The following PIK3R2 variants were observed in gnomAD, a reference collection of about 807,000 sequenced individuals.
PIK3R2 encodes phosphatidylinositol 3-kinase regulatory subunit beta.
In PIK3R2, 40 loss-of-function variants were observed where a neutral mutation model predicts 78.5. The observed-to-expected ratio is 0.51, with a 90% CI of 0.40 to 0.66. PIK3R2 has a LOEUF of 0.66. Ranked by LOEUF, PIK3R2 falls within the 30% of genes least tolerant of loss-of-function variation. The pLI, the probability that PIK3R2 is intolerant of heterozygous loss-of-function variation, is 0.00. For missense variants in PIK3R2, 880 were observed against 1,026.6 expected, an observed-to-expected ratio of 0.86 and a Z score of 1.95; for synonymous variants, 473 against 457.7, an observed-to-expected ratio of 1.03 and a Z score of -0.43.
intron 2 of PIK3R2, among the ~76,000 whole-genome samples, chr19:18,160,191 C>T (rs981506101): frequency 2.0e-5 from 3 of 152,216 alleles, no homozygotes; most frequent in African/African-American, 7.2e-5. Context: ...TTGGACATAT[C>T]TTTTTGGGGA....
rs768329567 is a variant in PIK3R2 at position 18,160,542 on chromosome 19, G to A, written c.394G>A (p.Val132Met). 1 of 1,613,708 alleles carries A rather than the reference G, an allele frequency of 6.2e-7. No individual in the cohort carries two copies. Among genetic ancestry groups the A allele is most frequent in the Non-Finnish European group, 8.5e-7 (1 of 1,179,708 alleles). The change falls in exon 3 of 16, where the codon GTG (valine) becomes ATG (methionine). Residue 132 changes from valine to methionine, a missense_variant. Physicochemically the swap from Val to Met is conservative, Grantham distance 21 (BLOSUM62 1). Around this residue, in one of 3 missense-constraint regions of PIK3R2, gnomAD observed 456 missense variants for 486.6 expected, o/e 0.94. Transcript: ENST00000222254. ...GGCTCCCCCTCTTCTGGTGAAGCTT[G>A]TGGAGGCCATTGAAAGGACAGGTAA... The part of the protein sequence containing the change: ...DVAPPLLVKL[V>M]EAIERTGLDS...
Position 18,168,871 on chromosome 19 carries a change from C to CG in PIK3R2, c.1958dup (p.Cys654LeufsTer157). 6.2e-7 allele frequency: 1 copy of CG among 1,613,206 alleles called. No individual in the cohort carries two copies. Among genetic ancestry groups the CG allele is most frequent in the Non-Finnish European group, 8.5e-7 (1 of 1,179,540 alleles). On this transcript the variant is annotated frameshift_variant, in exon 15 of 16. Transcript: ENST00000222254. LOFTEE classifies it high-confidence loss of function. This position sits in a 1 kb window ranked among gnomAD's most constrained non-coding sequence, Gnocchi z 4.1. The stretch of plus-strand genomic sequence containing the variant: ...CTTCCTCATCCGCGAGAGCAGCCAG[C>CG]GGGGCTGCTACGCCTGCTCCGTGGT...
In PIK3R2 at chr19:18,162,235, C is replaced by A. The variant is rs1397761287; in HGVS notation, c.935C>A (p.Ala312Asp). The A allele has an allele frequency of 2.5e-6, 4 of 1,603,356 alleles. No homozygotes were observed. Among genetic ancestry groups the A allele is most frequent in the Admixed American group, 3.3e-5 (2 of 59,850 alleles). ...CCTAAACCCCCCAAGGCAAAGCCGG[C>A]CTCCACAGTCCTGGCCAATGGAGGG... ...LPPKPPKAKP[A>D]STVLANGGSP... The change falls in exon 8 of 16, where the codon GCC becomes GAC. Residue 312 changes from alanine (A) to aspartate (D), a missense_variant. Ala to Asp is a moderately radical substitution (Grantham distance 126, BLOSUM62 -2). Coordinates refer to ENST00000222254, the MANE Select transcript of PIK3R2 (RefSeq NM_005027.4).
At chr19:18,157,986 G>A (rs924036909) in intron 2 of PIK3R2, among the ~76,000 whole-genome samples, 5 of 152,196 alleles carry the variant, frequency 3.3e-5, no homozygotes, top group Non-Finnish European at 5.9e-5. Context: ...CCAGGATGCC[G>A]CCGGCACCCG....
chr19:18,154,198 C>T (rs2043653284), intron 1 of PIK3R2, among the ~76,000 whole-genome samples: 1 of 152,174 alleles, frequency 6.6e-6, no homozygotes, highest in Non-Finnish European at 1.5e-5. Flanking sequence ...GACCCTAGCC[C>T]TGTCCATCAC....
chr19:18,154,039 G>A (rs1423251856), intron 1 of PIK3R2, among the ~76,000 whole-genome samples: 1 of 152,180 alleles, frequency 6.6e-6, no homozygotes, highest in Non-Finnish European at 1.5e-5. Context: ...GGGCCTCTTG[G>A]TGGATAGCAC....
chr19:18,169,366 A>C lies in PIK3R2; in HGVS notation c.*72A>C. The C allele has an allele frequency of 1.2e-6, 1 of 867,802 alleles. No individual in the cohort carries two copies. The highest frequency in any genetic ancestry group is 1.5e-6 in the Non-Finnish European group (1 of 653,096). The allele number at this position is 867,802 out of a possible 1,614,324, so 53.8% of individuals were successfully genotyped here. On this transcript the variant is annotated 3_prime_UTR_variant, in exon 16 of 16. Coordinates refer to ENST00000222254, the MANE Select transcript of PIK3R2 (RefSeq NM_005027.4). ...GCCGGAGGCTGCGGCGGCGGGAGCC[A>C]CGGACCAGACCAGCCACATCCAGGG...
Position 18,156,231 on chromosome 19 carries a change from G to A in PIK3R2, c.322+30G>A, listed in dbSNP as rs546464408. The A allele has an allele frequency of 5.7e-5, 82 of 1,448,450 alleles. No homozygotes were observed. The South Asian group carries it at 1.1e-3, about 19-fold the overall frequency. The allele number at this position is 1,448,450 out of a possible 1,614,324, so 89.7% of individuals were successfully genotyped here. A position where few individuals can be genotyped will look rare whatever the true frequency, so the allele number is the denominator to read the frequency against. On this transcript the variant is annotated intron_variant, in intron 2 of 15. Coordinates refer to ENST00000222254, the MANE Select transcript of PIK3R2 (RefSeq NM_005027.4). The surrounding 1 kb of genome is among the most constrained non-coding windows in gnomAD (Gnocchi z 4.2). The stretch of plus-strand genomic sequence containing the variant: ...GCAGCAAGCAGGGGCCCTGGAAAGG[G>A]GGGTGGTCCCCTCAGACCCTTGGTC...
intron 2 of PIK3R2, among the ~76,000 whole-genome samples, chr19:18,157,875 A>G (rs1263369173): frequency 1.3e-5 from 2 of 151,998 alleles, no homozygotes; most frequent in African/African-American, 4.8e-5. Context: ...CGAGGGCCAG[A>G]GCAGCGTCCA....
chr19:18,166,093 G>A (rs771147845), intron 11 of PIK3R2, 67 bp from the exon 12 acceptor site: 1 of 1,603,958 alleles, frequency 6.2e-7, no homozygotes, highest in Non-Finnish European at 8.5e-7. Context: ...GTTGAGATGT[G>A]CCTTTACCCC....
Position 18,167,160 on chromosome 19 carries a change from C to A in PIK3R2, c.1590C>A (p.Ser530=), listed in dbSNP as rs535420886. Residue 530 remains serine, a synonymous_variant, in exon 13 of 16, where the codon TCC becomes TCA. Coordinates refer to ENST00000222254, the MANE Select transcript of PIK3R2 (RefSeq NM_005027.4). This position sits in a 1 kb window ranked among gnomAD's most constrained non-coding sequence, Gnocchi z 4.5. The part of the protein sequence containing the change: ...RILLNSERLK[S]RIAEIHESRT... ...TGCTGAACTCCGAGCGGCTCAAGTC[C>A]CGCATTGCCGAGATCCATGAGAGCC... is the stretch of plus-strand genomic sequence containing the variant. 7 of 1,604,136 alleles carry A rather than the reference C, an allele frequency of 4.4e-6. No homozygotes were observed. The South Asian group carries it at 4.5e-5, about 10-fold the overall frequency.
In PIK3R2 at chr19:18,161,435, C is replaced by A. The variant is rs1372755058; in HGVS notation, c.755C>A (p.Pro252Gln). The change falls in exon 6 of 16, where the codon CCG (proline) becomes CAG (glutamine). Residue 252 changes from proline to glutamine, a missense_variant. Pro to Gln is a moderately conservative substitution (Grantham distance 76). This residue lies in a region of PIK3R2 where 456 missense variants were observed against 486.6 expected (regional missense o/e 0.94). Coordinates refer to ENST00000222254, the MANE Select transcript of PIK3R2 (RefSeq NM_005027.4). This position sits in a 1 kb window ranked among gnomAD's most constrained non-coding sequence, Gnocchi z 5.3. Reference sequence around the variant, plus strand: ...CGGGCCCTGGGCGCCACCTTTGGGCCGCTGCTGCTGCGCGCGCCGCCGCCG... The same window carrying A: ...CGGGCCCTGGGCGCCACCTTTGGGCAGCTGCTGCTGCGCGCGCCGCCGCCG... ...AVRALGATFG[P>Q]LLLRAPPPPS... 1.6e-5 allele frequency: 19 copies of A among 1,212,010 alleles called. No individual in the cohort carries two copies. Among genetic ancestry groups the A allele is most frequent in the Middle Eastern group, 3.3e-4 (1 of 3,070 alleles). 75.1% of individuals were successfully genotyped at this position (1,212,010 alleles called of 1,614,324 possible). A position where few individuals can be genotyped will look rare whatever the true frequency, so the allele number is the denominator to read the frequency against.
chr19:18,166,453 G>A (rs1457393206), intron 12 of PIK3R2, 151 bp downstream of exon 12: 4 of 672,366 alleles, frequency 5.9e-6, no homozygotes, highest in East Asian at 2.7e-5. Flanking sequence ...GCTCAGGCCT[G>A]TAATCCCAGC....
intron 9 of PIK3R2, 189 bp downstream of exon 9, chr19:18,162,695 C>T: frequency 1.6e-6 from 1 of 612,116 alleles, no homozygotes; most frequent in Admixed American, 3.0e-5. Context: ...ACCAGCCTGG[C>T]CAACATGGTG....
rs373826589 is a variant in PIK3R2, at chr19:18,158,882, G to A, written c.323-1589G>A. 6.0e-4 allele frequency among the ~76,000 whole-genome samples: 91 copies of A among 152,042 alleles called. 1 individual carries two copies. In the East Asian group the frequency reaches 0.015, roughly 26 times the overall value. ...TTTGAGATGGAGTTTCGCTCTTGTC[G>A]CCCAGGCTGGAGTGCAATGGCGCAA... On this transcript the variant is annotated intron_variant, in intron 2 of 15. Transcript: ENST00000222254.
Position 18,167,769 on chromosome 19 carries a change from G to T in PIK3R2, c.1736+463G>T, listed in dbSNP as rs751987203. On this transcript the variant is annotated intron_variant, in intron 13 of 15. Transcript: ENST00000222254. The surrounding 1 kb of genome is among the most constrained non-coding windows in gnomAD (Gnocchi z 4.5). ...AATCCCAGTTACTCAAGAGGCTGAG[G>T]CAGGAGAATCACTTGAACGGGGAGG... is the stretch of plus-strand genomic sequence containing the variant. 3.3e-5 allele frequency among the ~76,000 whole-genome samples: 5 copies of T among 152,158 alleles called. No homozygotes were observed. The highest frequency in any genetic ancestry group is 7.3e-5 in the Non-Finnish European group (5 of 68,042).
At chr19:18,165,496 T>G (rs1358780509) in intron 11 of PIK3R2, among the ~76,000 whole-genome samples, 1 of 151,870 alleles carries the variant, frequency 6.6e-6, no homozygotes, top group Admixed American at 6.6e-5. Flanking sequence ...ATCACGCCAC[T>G]GCTCCAGCCT....
chr19:18,161,380 A>C lies in PIK3R2; in HGVS notation c.700A>C (p.Ser234Arg), dbSNP rs2241088. ...FLLQHLGRVA[S>R]RAPALGPAVR... ...GCTCCAGCACCTGGGCCGCGTGGCC[A>C]GCCGCGCCCCGGCCCTGGGTCCCGC... is the stretch of plus-strand genomic sequence containing the variant. Residue 234 changes from serine to arginine, a missense_variant, in exon 6 of 16, where the codon AGC becomes CGC. Transcript: ENST00000222254. The surrounding 1 kb of genome is among the most constrained non-coding windows in gnomAD (Gnocchi z 5.3). The C allele has an allele frequency of 0.93, 1,153,295 of 1,241,468 alleles. 536,112 individuals are homozygous for C. Among genetic ancestry groups the C allele is most frequent in the African/African-American group, 0.97 (61,517 of 63,338 alleles). The allele number at this position is 1,241,468 out of a possible 1,614,324, so 76.9% of individuals were successfully genotyped here. A position where few individuals can be genotyped will look rare whatever the true frequency, so the allele number is the denominator to read the frequency against.
Position 18,161,478 on chromosome 19 carries a change from AG to A in PIK3R2, c.803del (p.Gly268AlafsTer73). ...APPPPSSPPP[G>X]GAPDGSEPSP... ...CGCCGCCGCCGTCCTCGCCGCCGCC[AG>A]GGGGCGCTCCCGACGGGTGAGGGGC... On this transcript the variant is annotated frameshift_variant, in exon 6 of 16. Coordinates refer to ENST00000222254, the MANE Select transcript of PIK3R2 (RefSeq NM_005027.4). LOFTEE classifies it high-confidence loss of function. The surrounding 1 kb of genome is among the most constrained non-coding windows in gnomAD (Gnocchi z 5.3). The A allele has an allele frequency of 5.5e-6, 6 of 1,087,668 alleles. No individual in the cohort carries two copies. In the East Asian group the frequency reaches 1.3e-4, roughly 24 times the overall value. The allele number at this position is 1,087,668 out of a possible 1,614,324, so 67.4% of individuals were successfully genotyped here. A position where few individuals can be genotyped will look rare whatever the true frequency, so the allele number is the denominator to read the frequency against.
Sources: gnomAD v4.1 joint callset for allele counts (sites outside exome capture counted in the v4.1 genomes callset) on GRCh38, gnomAD v4.1.1 for gene constraint, gnomAD v4.1.1 regional missense constraint, Gnocchi (gnomAD v3.1) non-coding constraint, MANE v1.5 for transcripts, NCBI Gene and HGNC (gene_info 2026-07-23, HGNC 2026-07-21) for gene names.